The following MYCBP2 variants were observed in gnomAD, a reference collection of about 807,000 sequenced individuals.
MYCBP2 encodes the protein E3 ubiquitin-protein ligase MYCBP2.
Under a neutral mutation model 525.3 loss-of-function variants are expected in MYCBP2, and 120 were observed. The ratio of observed to expected loss-of-function variants is 0.23; its 90% confidence interval spans 0.20 to 0.27. The LOEUF is 0.27. Ranked by LOEUF, MYCBP2 falls within the 10% of genes least tolerant of loss-of-function variation. The pLI is 1.00. For missense variants in MYCBP2, 4,149 were observed against 5,657.1 expected, an observed-to-expected ratio of 0.73 and a Z score of 8.55; for synonymous variants, 1,894 against 1,955.8, an observed-to-expected ratio of 0.97 and a Z score of 0.83.
chr13:77,103,932 A>C (rs1566540416), intron 55 of MYCBP2, among the ~76,000 whole-genome samples: 3 of 152,144 alleles, frequency 2.0e-5, no homozygotes, highest in Non-Finnish European at 2.9e-5. Context: ...CACAACACAA[A>C]CAAAGCAAAG....
chr13:77,158,120 A>T lies in MYCBP2; in HGVS notation c.6598-11T>A. Reference sequence around the variant, plus strand: ...ATGGGTTTTGCACACCTGTTAAGTAAAAAAGAATATTTATATATTCTTAAA... The same window carrying T: ...ATGGGTTTTGCACACCTGTTAAGTATAAAAGAATATTTATATATTCTTAAA... On this transcript the variant is annotated splice_polypyrimidine_tract_variant and intron_variant, in intron 44 of 82. Transcript: ENST00000544440. 6.6e-7 allele frequency: 1 copy of T among 1,522,956 alleles called. No individual in the cohort carries two copies. The highest frequency in any genetic ancestry group is 8.8e-7 in the Non-Finnish European group (1 of 1,137,276). The allele number at this position is 1,522,956 out of a possible 1,614,324, so 94.3% of individuals were successfully genotyped here.
chr13:77,061,572 CT>C, intron 75 of MYCBP2, 89 bp downstream of exon 75: 3 of 1,450,944 alleles, frequency 2.1e-6, no homozygotes, highest in South Asian at 2.7e-5. Context: ...CCAAAGTCCA[CT>C]TTTTCCCCCT....
intron 58 of MYCBP2, among the ~76,000 whole-genome samples, chr13:77,094,607 C>T (rs992560464): frequency 1.9e-4 from 29 of 152,222 alleles, no homozygotes; most frequent in African/African-American, 5.8e-4. Context: ...TTTAACAACC[C>T]GTGATTCCTG....
chr13:77,120,421 C>T (rs1377208596), intron 55 of MYCBP2, among the ~76,000 whole-genome samples: 1 of 152,112 alleles, frequency 6.6e-6, no homozygotes, highest in Non-Finnish European at 1.5e-5. Context: ...TTATTTTAAA[C>T]AGAATATTCC....
At chr13:77,159,938 A>G (rs1206591084) in intron 44 of MYCBP2, among the ~76,000 whole-genome samples, 1 of 152,220 alleles carries the variant, frequency 6.6e-6, no homozygotes, top group Non-Finnish European at 1.5e-5. Flanking sequence ...CTTAAGGTAC[A>G]AAGATTTAAC....
At chr13:77,125,547 G>C in intron 53 of MYCBP2, 79 bp from the exon 54 acceptor site, 1 of 1,497,252 alleles carries the variant, frequency 6.7e-7, no homozygotes, top group South Asian at 1.2e-5. Context: ...AAAATCTTAC[G>C]TGTCTGAATA....
In MYCBP2 at chr13:77,098,211, T is replaced by C. The variant is rs1566512319; in HGVS notation, c.8943A>G (p.Glu2981=). ...IGKAPLKDEQ[E]MRASPKISRK... The stretch of plus-strand genomic sequence containing the variant: ...GACTTATTTTGGGAGATGCTCTCAT[T>C]TCCTGTTCATCTTTCAGTGGTGCTT... Residue 2981 remains glutamate (E), a synonymous_variant, in exon 56 of 83, where the codon GAA becomes GAG. Coordinates refer to ENST00000544440, the MANE Select transcript of MYCBP2 (RefSeq NM_015057.5). The C allele has an allele frequency of 6.2e-7, 1 of 1,613,658 alleles. No individual in the cohort carries two copies. The highest frequency in any genetic ancestry group is 8.5e-7 in the Non-Finnish European group (1 of 1,179,774).
chr13:77,158,147 A>T, intron 44 of MYCBP2, 38 bp from the exon 45 acceptor site: 2 of 1,355,256 alleles, frequency 1.5e-6, no homozygotes, highest in Non-Finnish European at 2.0e-6. Context: ...ATTCTTAAAA[A>T]TAAAACTTTA....
chr13:77,248,352 T>C (rs939525912), intron 15 of MYCBP2, among the ~76,000 whole-genome samples: 1 of 152,080 alleles, frequency 6.6e-6, no homozygotes, highest in African/African-American at 2.4e-5. Flanking sequence ...CTTTTTATTT[T>C]CAAATCATAT....
chr13:77,285,894 G>C (rs1021967919), intron 3 of MYCBP2, among the ~76,000 whole-genome samples: 7 of 101,700 alleles, frequency 6.9e-5, no homozygotes, highest in South Asian at 2.8e-4. Flanking sequence ...GAAAGGAAAG[G>C]AAAGCAAAGG....
chr13:77,231,474 T>C (rs1465409436), intron 18 of MYCBP2, among the ~76,000 whole-genome samples: 1 of 152,130 alleles, frequency 6.6e-6, no homozygotes, highest in African/African-American at 2.4e-5. Context: ...CTCGAACTCC[T>C]GACCTCAAGT....
At position 77,045,358 on chromosome 13, in the gene MYCBP2, A is replaced by G. The variant is rs150972540; in HGVS notation, c.*20T>C. On this transcript the variant is annotated 3_prime_UTR_variant, in exon 83 of 83. Transcript: ENST00000544440. ...GGATGAAGGCAATTTTTCTCTCTGTAGACAAAGGATCTGCGTGTTCTAAAA... is the reference window on the plus strand; with the variant it reads ...GGATGAAGGCAATTTTTCTCTCTGTGGACAAAGGATCTGCGTGTTCTAAAA... 1 of 1,582,696 alleles carries G rather than the reference A, an allele frequency of 6.3e-7. No homozygotes were observed. The highest frequency in any genetic ancestry group is 1.3e-5 in the African/African-American group (1 of 74,308).
At chr13:77,120,251 G>A (rs1165808614) in intron 55 of MYCBP2, among the ~76,000 whole-genome samples, 2 of 152,068 alleles carry the variant, frequency 1.3e-5, no homozygotes, top group Non-Finnish European at 1.5e-5. Context: ...CAAAGATCTA[G>A]CTTAAGTTAA....
At position 77,261,136 on chromosome 13, in the gene MYCBP2, T is replaced by C. The variant is rs1441149620; in HGVS notation, c.1852+35A>G. On this transcript the variant is annotated intron_variant, in intron 12 of 82. Transcript: ENST00000544440. ...TATTTTTACTAAAATAAAGCATTTA[T>C]TTTTATTAAATGCATAGTTGATCAC... 8.5e-6 allele frequency: 13 copies of C among 1,522,700 alleles called. 1 individual carries two copies. The highest frequency in any genetic ancestry group is 1.2e-5 in the Non-Finnish European group (13 of 1,116,168). 94.3% of individuals were successfully genotyped at this position (1,522,700 alleles called of 1,614,324 possible).
At position 77,101,298 on chromosome 13, in the gene MYCBP2, T is replaced by C. The variant is rs978403654; in HGVS notation, c.8141-2285A>G. Reference sequence around the variant, plus strand: ...CAACTTGTGTAGGATTTCTAACAAATAGGAAGGGTTCGTGACAAAGATTAC... The same window carrying C: ...CAACTTGTGTAGGATTTCTAACAAACAGGAAGGGTTCGTGACAAAGATTAC... On this transcript the variant is annotated intron_variant, in intron 55 of 82. Transcript: ENST00000544440. Among the ~76,000 whole-genome samples, 3 of 152,108 alleles carry C rather than the reference T, an allele frequency of 2.0e-5. No homozygotes were observed. The East Asian group carries it at 5.8e-4, about 29-fold the overall frequency.
At chr13:77,325,366 A>C (rs914212620) in intron 1 of MYCBP2, among the ~76,000 whole-genome samples, 1 of 152,260 alleles carries the variant, frequency 6.6e-6, no homozygotes, top group Non-Finnish European at 1.5e-5. Context: ...GGGAAAAAAA[A>C]GATGAAGCCA....
intron 47 of MYCBP2, among the ~76,000 whole-genome samples, chr13:77,149,796 C>T (rs1231511090): frequency 6.6e-6 from 1 of 152,142 alleles, no homozygotes; most frequent in African/African-American, 2.4e-5. Flanking sequence ...CACTAGCTAC[C>T]AGGTTCTACT....
chr13:77,205,352 A>G lies in MYCBP2; in HGVS notation c.3747T>C (p.His1249=), dbSNP rs745963347. The change falls in exon 26 of 83, where the codon CAT becomes CAC. Residue 1249 remains histidine (H), a synonymous_variant. Coordinates refer to ENST00000544440, the MANE Select transcript of MYCBP2 (RefSeq NM_015057.5). ...CACTGAAACGTATAGCTTCTACTGAATGGGCAGAATAACCCCAGCCTCCTC... is the reference window on the plus strand; with the variant it reads ...CACTGAAACGTATAGCTTCTACTGAGTGGGCAGAATAACCCCAGCCTCCTC... ...SHGGGWGYSA[H]SVEAIRFSAD... is the part of the protein sequence containing the mutation. 1.2e-5 allele frequency: 20 copies of G among 1,613,770 alleles called. No individual in the cohort carries two copies. Among genetic ancestry groups the G allele is most frequent in the Non-Finnish European group, 1.0e-5 (12 of 1,179,850 alleles).
chr13:77,097,800 G>A lies in MYCBP2; in HGVS notation c.9354C>T (p.Asn3118=), dbSNP rs754973053. The part of the protein sequence containing the change: ...DISKMGSINK[N]KVLSMLKEPP... The stretch of plus-strand genomic sequence containing the variant: ...GTTCCTTAAGCATAGACAATACCTT[G>A]TTTTTGTTGATGCTACCCATCTTAG... Residue 3118 remains asparagine, a synonymous_variant, in exon 56 of 83, where the codon AAC becomes AAT. Coordinates refer to ENST00000544440, the MANE Select transcript of MYCBP2 (RefSeq NM_015057.5). 11 of 1,613,716 alleles carry A rather than the reference G, an allele frequency of 6.8e-6. No individual in the cohort carries two copies. The highest frequency in any genetic ancestry group is 9.3e-6 in the Non-Finnish European group (11 of 1,179,810).
Sources: gnomAD v4.1 joint callset for allele counts (sites outside exome capture counted in the v4.1 genomes callset) on GRCh38, gnomAD v4.1.1 for gene constraint, MANE v1.5 for transcripts, NCBI Gene and HGNC (gene_info 2026-07-23, HGNC 2026-07-21) for gene names.